Variants in WDR27 observed in about 807,000 individuals in gnomAD.
The protein encoded by WDR27 is WD repeat-containing protein 27.
In WDR27, 100 loss-of-function variants were observed where a neutral mutation model predicts 114.4. The observed-to-expected ratio is 0.87, with a 90% CI of 0.74 to 1.03. The LOEUF (loss-of-function observed/expected upper bound fraction) is 1.03. WDR27 is among the 50% of genes least tolerant of loss of function. The probability of loss-of-function intolerance (pLI) is 0.00; values close to 1 mark genes in which losing one functional copy is unlikely to be tolerated. For missense variants in WDR27, 1,129 were observed against 1,092.9 expected (o/e 1.03, Z -0.47); for synonymous variants, 449 against 423.1 (o/e 1.06, Z -0.75).
chr6:169,636,806 A>G (rs1817748143), intron 18 of WDR27, among the ~76,000 whole-genome samples: 1 of 152,254 alleles, frequency 6.6e-6, no homozygotes, highest in Non-Finnish European at 1.5e-5. Flanking sequence ...CTGAAATTCA[A>G]AATGTTTTAA....
chr6:169,611,234 T>C (rs574205296), intron 22 of WDR27, among the ~76,000 whole-genome samples: 1 of 151,966 alleles, frequency 6.6e-6, no homozygotes, highest in African/African-American at 2.4e-5. Context: ...TAGGCTACAC[T>C]AAATTTATTT....
At chr6:169,562,524 T>G (rs2128116328) in intron 25 of WDR27, among the ~76,000 whole-genome samples, 1 of 152,116 alleles carries the variant, frequency 6.6e-6, no homozygotes, top group East Asian at 1.9e-4. Context: ...CACCTACAGC[T>G]GTGTCAGGGG....
chr6:169,554,705 C>G (rs1408073468), intron 25 of WDR27, among the ~76,000 whole-genome samples: 1 of 152,180 alleles, frequency 6.6e-6, no homozygotes, highest in Admixed American at 6.5e-5. Context: ...GCTGGTCAAC[C>G]ACCACCATGT....
rs767490216 is a variant in WDR27 at position 169,670,645 on chromosome 6, A to G, written c.380T>C (p.Leu127Pro). 10 of 1,614,002 alleles carry G rather than the reference A, an allele frequency of 6.2e-6. No individual in the cohort carries two copies. The East Asian group carries it at 6.7e-5, about 11-fold the overall frequency. ...ATCATCCAGGCTCAACTGTAAACAC[A>G]GCACCTTTCCCAAAAGCGAGCCCAT... Reference protein sequence around the residue: ...TVMGSLLGKVLCLQLSLDDHV... With the variant: ...TVMGSLLGKVPCLQLSLDDHV... Residue 127 changes from leucine (L) to proline (P), a missense_variant, in exon 4 of 26, where the codon CTG (leucine) becomes CCG (proline). Physicochemically the swap from Leu to Pro is moderately conservative, Grantham distance 98. Transcript: ENST00000448612.
chr6:169,624,398 G>T (rs376590686), intron 21 of WDR27, among the ~76,000 whole-genome samples: 2 of 152,264 alleles, frequency 1.3e-5, no homozygotes, highest in African/African-American at 4.8e-5. Flanking sequence ...GAGATTCGAA[G>T]CTCACCAGAG....
intron 25 of WDR27, among the ~76,000 whole-genome samples, chr6:169,506,999 T>A (rs900221045): frequency 6.6e-6 from 1 of 152,242 alleles, no homozygotes; most frequent in African/African-American, 2.4e-5. Flanking sequence ...TAGAATTTAA[T>A]CCAAACAACA....
At chr6:169,564,406 C>T (rs900416496) in intron 25 of WDR27, among the ~76,000 whole-genome samples, 1 of 152,220 alleles carries the variant, frequency 6.6e-6, no homozygotes, top group African/African-American at 2.4e-5. Context: ...CAGACACAGC[C>T]AGGACAATAC....
rs1173841679 is a variant in WDR27, at chr6:169,612,630, A to AT, written c.2321+928dup. On this transcript the variant is annotated intron_variant, in intron 22 of 25. Coordinates refer to ENST00000448612, the MANE Select transcript of WDR27 (RefSeq NM_182552.5). Reference sequence around the variant, plus strand: ...GTGACAGAGCGAGACTCTGTCTAACATAAAAAAAAAAAAAAAAAAAAAAGC... The same window carrying AT: ...GTGACAGAGCGAGACTCTGTCTAACATTAAAAAAAAAAAAAAAAAAAAAAGC... 4.1e-3 allele frequency among the ~76,000 whole-genome samples: 355 copies of AT among 86,188 alleles called. 3 individuals carry two copies. Among genetic ancestry groups the AT allele is most frequent in the African/African-American group, 0.012 (304 of 24,996 alleles). 56.5% of individuals were successfully genotyped at this position (86,188 alleles called of 152,430 possible). A position where few individuals can be genotyped will look rare whatever the true frequency, so the allele number is the denominator to read the frequency against.
chr6:169,443,131 G>A, the WDR27 span, among the ~76,000 whole-genome samples: 1 of 152,148 alleles, frequency 6.6e-6, no homozygotes, highest in African/African-American at 2.4e-5. Context: ...ATTTTCATGA[G>A]GTTTAAATGG....
intron 6 of WDR27, chr6:169,666,621 T>C: frequency 1.0e-6 from 1 of 985,628 alleles, no homozygotes; most frequent in Non-Finnish European, 1.2e-6. Flanking sequence ...GCACCATCAA[T>C]GCTGTAGCTG....
chr6:169,578,940 A>G (rs746130379), intron 24 of WDR27, among the ~76,000 whole-genome samples: 19 of 151,932 alleles, frequency 1.3e-4, no homozygotes, highest in Non-Finnish European at 1.8e-4. Flanking sequence ...ACGTCATCAC[A>G]CTCCAGGTTC....
At chr6:169,486,296 TA>T (rs1284470441) in intron 25 of WDR27, among the ~76,000 whole-genome samples, 1 of 152,020 alleles carries the variant, frequency 6.6e-6, no homozygotes, top group Non-Finnish European at 1.5e-5. Context: ...TCAAAGGACT[TA>T]AAAGAGAGCT....
intron 25 of WDR27, among the ~76,000 whole-genome samples, chr6:169,509,183 T>C (rs1792414429): frequency 2.0e-5 from 3 of 152,094 alleles, no homozygotes. Context: ...AGAACCAATA[T>C]CGTGAAAATG....
chr6:169,463,452 G>A (rs775282224), intron 25 of WDR27, among the ~76,000 whole-genome samples: 3 of 152,192 alleles, frequency 2.0e-5, no homozygotes, highest in Non-Finnish European at 4.4e-5. Context: ...GATGGTGAAA[G>A]ACTAAAAGCT....
chr6:169,622,035 TG>T (rs926202000), intron 21 of WDR27, among the ~76,000 whole-genome samples: 15 of 152,166 alleles, frequency 9.9e-5, no homozygotes, highest in African/African-American at 3.6e-4. Flanking sequence ...GTCACCCCTC[TG>T]CTCACTGAGA....
intron 16 of WDR27, among the ~76,000 whole-genome samples, chr6:169,644,407 C>T (rs1427269020): frequency 5.1e-4 from 49 of 95,548 alleles, no homozygotes; most frequent in Admixed American, 4.3e-3. Context: ...GTCACACTGT[C>T]GAAAATCCTA....
Position 169,672,331 on chromosome 6 carries a change from T to C in WDR27, c.255A>G (p.Pro85=), listed in dbSNP as rs1778961572. 6.2e-7 allele frequency: 1 copy of C among 1,613,376 alleles called. No homozygotes were observed. The highest frequency in any genetic ancestry group is 8.5e-7 in the Non-Finnish European group (1 of 1,179,522). The change falls in exon 3 of 26, where the codon CCA becomes CCG. Residue 85 remains proline, a synonymous_variant. Transcript: ENST00000448612. ...TAMAFGNKVN[P]LLICSASLDY... is the part of the protein sequence containing the mutation. ...CCAGTGATGCTGAGCAGATTAGAAG[T>C]GGGTTCACTTTATTTCCAAAAGCCA... is the stretch of plus-strand genomic sequence containing the variant.
chr6:169,474,888 C>T (rs993140445), intron 25 of WDR27, among the ~76,000 whole-genome samples: 2 of 152,180 alleles, frequency 1.3e-5, no homozygotes, highest in African/African-American at 2.4e-5. Context: ...TACCACATGG[C>T]AGTCAGCTCT....
chr6:169,588,838 A>G (rs1357768079), intron 23 of WDR27, among the ~76,000 whole-genome samples: 1 of 152,218 alleles, frequency 6.6e-6, no homozygotes, highest in Non-Finnish European at 1.5e-5. Flanking sequence ...AACCATTTAC[A>G]ATAACGGACC....
Sources: allele counts gnomAD v4.1 joint callset (sites outside exome capture counted in the v4.1 genomes callset), GRCh38; gene constraint gnomAD v4.1.1; transcripts MANE v1.5; gene names NCBI Gene and HGNC (gene_info 2026-07-23, HGNC 2026-07-21).